DGKB: variants seen among roughly 807,000 people sequenced by gnomAD.
The protein encoded by DGKB is 90 kDa diacylglycerol kinase.
Under a neutral mutation model 114.3 loss-of-function variants are expected in DGKB, and 67 were observed. That is an observed-to-expected ratio of 0.59 (90% CI 0.48 to 0.72). The LOEUF (loss-of-function observed/expected upper bound fraction) is 0.72. Ranked by LOEUF, DGKB falls within the 30% of genes least tolerant of loss-of-function variation. The probability of loss-of-function intolerance (pLI) is 0.00; values close to 1 mark genes in which losing one functional copy is unlikely to be tolerated. For missense variants in DGKB, 907 were observed against 975.2 expected, an observed-to-expected ratio of 0.93 and a Z score of 0.93; for synonymous variants, 398 against 323.1, an observed-to-expected ratio of 1.23 and a Z score of -2.49.
At chr7:14,466,645 C>CAAA in intron 21 of DGKB, among the ~76,000 whole-genome samples, 1 of 138,572 alleles carries the variant, frequency 7.2e-6, no homozygotes, top group East Asian at 2.1e-4. Flanking sequence ...ATGAATAAAC[C>CAAA]AAAAAAAAAA....
At position 14,741,822 on chromosome 7, in the gene DGKB, C is replaced by G. The variant is rs555819980; in HGVS notation, c.169-5628G>C. On this transcript the variant is annotated intron_variant, in intron 4 of 25. Coordinates refer to ENST00000402815, the MANE Select transcript of DGKB (RefSeq NM_001350709.2). The stretch of plus-strand genomic sequence containing the variant: ...TTCAAAAGCCAGAAATATGAGTCAT[C>G]TGGCATGGCTAAAGTTGGGTAGCTA... Among the ~76,000 whole-genome samples, 28 of 152,280 alleles carry G rather than the reference C, an allele frequency of 1.8e-4. No individual in the cohort carries two copies. In the South Asian group the frequency reaches 2.5e-3, roughly 14 times the overall value.
chr7:14,352,108 A>G (rs1343189395), intron 21 of DGKB, among the ~76,000 whole-genome samples: 3 of 152,198 alleles, frequency 2.0e-5, no homozygotes, highest in Non-Finnish European at 4.4e-5. Context: ...GTGCTTGTTA[A>G]GTCCCAGGGA....
chr7:14,458,939 C>G (rs187689469), intron 21 of DGKB, among the ~76,000 whole-genome samples: 66 of 152,314 alleles, frequency 4.3e-4, no homozygotes, highest in African/African-American at 1.5e-3. Flanking sequence ...GCCCAGCAAG[C>G]TAAGATCCAC....
intron 21 of DGKB, among the ~76,000 whole-genome samples, chr7:14,446,474 T>A (rs1343786241): frequency 1.3e-5 from 2 of 152,080 alleles, no homozygotes; most frequent in Non-Finnish European, 2.9e-5. Context: ...CTTTCATATA[T>A]TACTTAGGCA....
intron 2 of DGKB, among the ~76,000 whole-genome samples, chr7:14,796,358 C>A (rs1182056393): frequency 2.0e-5 from 3 of 152,248 alleles, no homozygotes; most frequent in African/African-American, 7.2e-5. Context: ...TTACACAATT[C>A]TGCCTAAAAA....
intron 2 of DGKB, among the ~76,000 whole-genome samples, chr7:14,782,642 G>A (rs1839293463): frequency 1.3e-5 from 2 of 152,066 alleles, no homozygotes; most frequent in South Asian, 2.1e-4. Context: ...AGAATTACAG[G>A]TGATGAAGGA....
At chr7:14,221,718 G>A (rs1398924462) in intron 23 of DGKB, among the ~76,000 whole-genome samples, 2 of 151,252 alleles carry the variant, frequency 1.3e-5, no homozygotes, top group African/African-American at 4.8e-5. Context: ...TTTTTTGGAA[G>A]GGTTTGTGAA....
chr7:14,626,050 G>T (rs953604), intron 14 of DGKB, among the ~76,000 whole-genome samples: 1 of 151,760 alleles, frequency 6.6e-6, no homozygotes, highest in African/African-American at 2.4e-5. Flanking sequence ...AAATAGAAAG[G>T]TGAAATGAAT....
At chr7:14,425,528 A>G (rs920521078) in intron 21 of DGKB, among the ~76,000 whole-genome samples, 16 of 152,166 alleles carry the variant, frequency 1.1e-4, no homozygotes, top group African/African-American at 3.9e-4. Context: ...ATGCAAAGAT[A>G]CCTCAAGCTA....
intron 20 of DGKB, among the ~76,000 whole-genome samples, chr7:14,505,115 T>C (rs991580444): frequency 3.3e-5 from 5 of 152,194 alleles, no homozygotes; most frequent in African/African-American, 1.2e-4. Flanking sequence ...CCTCATATCC[T>C]ATGCAGTTTG....
At chr7:14,690,361 T>G (rs1822611433) in intron 9 of DGKB, among the ~76,000 whole-genome samples, 1 of 152,244 alleles carries the variant, frequency 6.6e-6, no homozygotes, top group African/African-American at 2.4e-5. Context: ...CTGATCAATT[T>G]GATGACGTTC....
chr7:14,235,680 G>T (rs1254608482), intron 23 of DGKB, among the ~76,000 whole-genome samples: 2 of 151,894 alleles, frequency 1.3e-5, no homozygotes, highest in East Asian at 3.9e-4. Context: ...AACAGTTAAG[G>T]GCATTGGAAA....
intron 12 of DGKB, among the ~76,000 whole-genome samples, chr7:14,678,750 A>G (rs892782253): frequency 6.6e-6 from 1 of 151,976 alleles, no homozygotes; most frequent in Admixed American, 6.6e-5. Flanking sequence ...ACCTTCTGTT[A>G]GGGAGATGAG....
At chr7:14,870,211 C>T (rs865958525) in intron 1 of DGKB, among the ~76,000 whole-genome samples, 40 of 152,310 alleles carry the variant, frequency 2.6e-4, no homozygotes, top group Admixed American at 3.9e-4. Flanking sequence ...TCTTTAACTA[C>T]GTAGCCTACA....
At chr7:14,526,657 T>A (rs1396016184) in intron 20 of DGKB, among the ~76,000 whole-genome samples, 1 of 152,174 alleles carries the variant, frequency 6.6e-6, no homozygotes, top group Non-Finnish European at 1.5e-5. Context: ...TGAACTGATA[T>A]TTAAAAACTC....
intron 13 of DGKB, among the ~76,000 whole-genome samples, chr7:14,662,575 A>C (rs1354536730): frequency 6.6e-6 from 1 of 152,000 alleles, no homozygotes; most frequent in African/African-American, 2.4e-5. Context: ...GGAATTGAAA[A>C]GATGCTAGAC....
At chr7:14,169,348 G>A (rs908221073) in intron 25 of DGKB, among the ~76,000 whole-genome samples, 14 of 134,122 alleles carry the variant, frequency 1.0e-4, no homozygotes, top group Non-Finnish European at 1.7e-4. Context: ...CTGGGCAACA[G>A]AGCGAGACTC....
At chr7:14,483,963 T>C (rs1189198644) in intron 20 of DGKB, among the ~76,000 whole-genome samples, 4 of 152,048 alleles carry the variant, frequency 2.6e-5, no homozygotes, top group African/African-American at 2.4e-5. Context: ...TCTGTTGTTA[T>C]AAGTCAACAG....
chr7:14,644,564 A>T (rs957697779), intron 13 of DGKB, among the ~76,000 whole-genome samples: 1 of 152,196 alleles, frequency 6.6e-6, no homozygotes, highest in African/African-American at 2.4e-5. Flanking sequence ...GAAAATATAA[A>T]AAGTACAGTT....
Sources: gnomAD v4.1 joint callset for allele counts (sites outside exome capture counted in the v4.1 genomes callset) on GRCh38, gnomAD v4.1.1 for gene constraint, MANE v1.5 for transcripts, NCBI Gene and HGNC (gene_info 2026-07-23, HGNC 2026-07-21) for gene names.